The following PPP1R12A variants were observed in gnomAD, a reference collection of about 807,000 sequenced individuals.
PPP1R12A encodes protein phosphatase 1 regulatory subunit 12A.
A neutral mutation model predicts 139.6 loss-of-function variants in PPP1R12A; 19 were observed. The observed-to-expected ratio is 0.14, with a 90% CI of 0.09 to 0.20. PPP1R12A has a LOEUF of 0.20. Ranked by LOEUF, PPP1R12A falls within the 10% of genes least tolerant of loss-of-function variation. PPP1R12A has a pLI of 1.00. For missense variants in PPP1R12A, 925 were observed against 1,211.5 expected (o/e 0.76, Z 3.51); for synonymous variants, 427 against 420.6 (o/e 1.02, Z -0.19).
At chr12:79,897,475 A>C (rs1258700599) in intron 1 of PPP1R12A, among the ~76,000 whole-genome samples, 1 of 152,194 alleles carries the variant, frequency 6.6e-6, no homozygotes, top group African/African-American at 2.4e-5. Flanking sequence ...TACATCACAT[A>C]ATATACCCAG....
intron 2 of PPP1R12A, among the ~76,000 whole-genome samples, chr12:79,852,943 G>A (rs754959724): frequency 2.8e-4 from 43 of 152,280 alleles, no homozygotes; most frequent in African/African-American, 1.7e-4. Flanking sequence ...CCAAATAAAC[G>A]TAGAAGTTTT....
intron 23 of PPP1R12A, chr12:79,779,626 C>G (rs1870172003): frequency 3.2e-6 from 1 of 310,602 alleles, no homozygotes; most frequent in African/African-American, 2.2e-5. Context: ...CTAAATAATA[C>G]AGTCATGACA....
intron 2 of PPP1R12A, among the ~76,000 whole-genome samples, chr12:79,871,990 C>T (rs1882625343): frequency 6.6e-6 from 1 of 152,066 alleles, no homozygotes; most frequent in African/African-American, 2.4e-5. Flanking sequence ...CGTTCCCAGG[C>T]CGGAGCACTT....
At chr12:79,879,214 T>A (rs1883396622) in intron 1 of PPP1R12A, among the ~76,000 whole-genome samples, 1 of 152,026 alleles carries the variant, frequency 6.6e-6, no homozygotes, top group Admixed American at 6.6e-5. Flanking sequence ...ACCCCGTCTC[T>A]ACTAAAAATA....
intron 9 of PPP1R12A, among the ~76,000 whole-genome samples, chr12:79,813,070 C>T (rs11114250): frequency 0.038 from 5,815 of 152,252 alleles, 423 homozygotes; most frequent in East Asian, 0.29. Flanking sequence ...CCTCTCATGG[C>T]ATTGTTCAAA....
chr12:79,898,076 A>G (rs1250953848), intron 1 of PPP1R12A, among the ~76,000 whole-genome samples: 1 of 152,206 alleles, frequency 6.6e-6, no homozygotes, highest in Non-Finnish European at 1.5e-5. Context: ...CATTCTATTT[A>G]TCACCTCAAA....
intron 14 of PPP1R12A, 61 bp downstream of exon 14, chr12:79,805,530 CA>C (rs940036663): frequency 2.7e-6 from 4 of 1,502,476 alleles, no homozygotes; most frequent in African/African-American, 1.4e-5. Flanking sequence ...TTTTTTAAAA[CA>C]AAAAACAACT....
intron 20 of PPP1R12A, chr12:79,789,579 G>A: frequency 2.3e-6 from 1 of 443,228 alleles, no homozygotes; most frequent in South Asian, 1.6e-5. Flanking sequence ...TTATTATCTG[G>A]TTCTGAAATT....
At chr12:79,901,712 A>C (rs1187655144) in intron 1 of PPP1R12A, among the ~76,000 whole-genome samples, 1 of 152,202 alleles carries the variant, frequency 6.6e-6, no homozygotes, top group Non-Finnish European at 1.5e-5. Context: ...ATTTACTGAG[A>C]ACTCACTATG....
At chr12:79,922,709 G>C (rs1227256097) in intron 1 of PPP1R12A, among the ~76,000 whole-genome samples, 1 of 152,106 alleles carries the variant, frequency 6.6e-6, no homozygotes, top group Admixed American at 6.6e-5. Flanking sequence ...AGGGTAGGGA[G>C]AGCATTAGGA....
At chr12:79,916,629 T>C (rs924275502) in intron 1 of PPP1R12A, among the ~76,000 whole-genome samples, 3 of 152,142 alleles carry the variant, frequency 2.0e-5, no homozygotes, top group Admixed American at 1.3e-4. Flanking sequence ...AGCTACAAAA[T>C]ACATCTAACC....
At chr12:79,842,571 C>T (rs1345363947) in intron 3 of PPP1R12A, among the ~76,000 whole-genome samples, 2 of 130,800 alleles carry the variant, frequency 1.5e-5, no homozygotes, top group Non-Finnish European at 3.1e-5. Flanking sequence ...TCACATGTGG[C>T]ACTTTGTGTG....
At chr12:79,836,582 G>A (rs1363944048) in intron 3 of PPP1R12A, among the ~76,000 whole-genome samples, 4 of 152,038 alleles carry the variant, frequency 2.6e-5, no homozygotes, top group Admixed American at 6.6e-5. Flanking sequence ...TAAAGTTAAC[G>A]TGAAGGGCAA....
chr12:79,798,657 T>C (rs1247003417), intron 14 of PPP1R12A, 73 bp from the exon 15 acceptor site: 10 of 786,030 alleles, frequency 1.3e-5, no homozygotes, highest in South Asian at 1.2e-4. Context: ...TCAATGCATA[T>C]GAATAAAACA....
At chr12:79,928,082 T>C (rs757083429) in intron 1 of PPP1R12A, among the ~76,000 whole-genome samples, 2 of 152,262 alleles carry the variant, frequency 1.3e-5, no homozygotes, top group African/African-American at 2.4e-5. Context: ...TTAAAAATCA[T>C]CTAATAAGAT....
At chr12:79,843,631 TATAG>T (rs1879033024) in intron 3 of PPP1R12A, among the ~76,000 whole-genome samples, 1 of 127,972 alleles carries the variant, frequency 7.8e-6, no homozygotes, top group Non-Finnish European at 1.6e-5. Context: ...TAGATATAGA[TATAG>T]ATATAGATAT....
intron 9 of PPP1R12A, among the ~76,000 whole-genome samples, chr12:79,815,925 T>G (rs1875315469): frequency 6.6e-6 from 1 of 152,136 alleles, no homozygotes. Context: ...CACTAATAAT[T>G]TACATTACTG....
chr12:79,930,678 A>G (rs993248774), intron 1 of PPP1R12A, among the ~76,000 whole-genome samples: 2 of 152,160 alleles, frequency 1.3e-5, no homozygotes, highest in African/African-American at 4.8e-5. Flanking sequence ...AAGCTGAGCC[A>G]GGAGAATCGC....
intron 1 of PPP1R12A, among the ~76,000 whole-genome samples, chr12:79,904,996 G>A (rs545141854): frequency 2.6e-5 from 4 of 152,262 alleles, no homozygotes; most frequent in East Asian, 1.9e-4. Context: ...AGTGAAATTC[G>A]TGTCTGAAAA....
Sources: allele counts gnomAD v4.1 joint callset (sites outside exome capture counted in the v4.1 genomes callset), GRCh38; gene constraint gnomAD v4.1.1; transcripts MANE v1.5; gene names NCBI Gene and HGNC (gene_info 2026-07-23, HGNC 2026-07-21).